The following EDIL3 variants were observed in gnomAD, a reference collection of about 807,000 sequenced individuals.
EDIL3 encodes EGF like and discoidin domains 3.
Under a neutral mutation model 67.4 loss-of-function variants are expected in EDIL3, and 37 were observed. The ratio of observed to expected loss-of-function variants is 0.55; its 90% CI spans 0.42 to 0.72. EDIL3 has a LOEUF of 0.72. Ranked by LOEUF, EDIL3 falls within the 30% of genes least tolerant of loss-of-function variation. The probability of loss-of-function intolerance (pLI) is 0.00; values close to 1 mark genes in which losing one functional copy is unlikely to be tolerated. For synonymous variants in EDIL3, 195 were observed against 196.3 expected (o/e 0.99, Z 0.05); for missense variants, 527 against 586.3 (o/e 0.90, Z 1.04).
chr5:84,058,869 G>T (rs1216231662), intron 9 of EDIL3, among the ~76,000 whole-genome samples: 1 of 152,070 alleles, frequency 6.6e-6, no homozygotes, highest in African/African-American at 2.4e-5. Context: ...AATTTAGTAA[G>T]CACTGCTACT....
intron 9 of EDIL3, among the ~76,000 whole-genome samples, chr5:84,012,197 G>A (rs1037464808): frequency 6.6e-6 from 1 of 152,342 alleles, no homozygotes; most frequent in African/African-American, 2.4e-5. Context: ...GTGATACAGA[G>A]TTAGACAGAG....
chr5:84,319,491 CAACAAAA>C (rs1746582732), intron 1 of EDIL3, among the ~76,000 whole-genome samples: 6 of 3,940 alleles, frequency 1.5e-3, no homozygotes, highest in Middle Eastern at 0.17. Flanking sequence ...AAACAAAAAA[CAACAAAA>C]AAAAAAAAAA....
intron 10 of EDIL3, among the ~76,000 whole-genome samples, chr5:83,956,209 G>T (rs1561384767): frequency 1.3e-5 from 2 of 151,610 alleles, no homozygotes; most frequent in African/African-American, 4.8e-5. Context: ...TTCCTTTCCT[G>T]CTCTTAAACC....
chr5:84,260,651 A>G, intron 1 of EDIL3, among the ~76,000 whole-genome samples: 1 of 152,282 alleles, frequency 6.6e-6, no homozygotes, highest in Middle Eastern at 3.4e-3. Context: ...AGTACTGTTA[A>G]TGTATTTATG....
At chr5:83,943,913 CG>C (rs1561381046) in intron 10 of EDIL3, among the ~76,000 whole-genome samples, 1 of 151,954 alleles carries the variant, frequency 6.6e-6, no homozygotes, top group African/African-American at 2.4e-5. Flanking sequence ...CTCTCTTCCA[CG>C]GGGTGACTCA....
chr5:84,231,045 T>C (rs896670511), intron 2 of EDIL3, among the ~76,000 whole-genome samples: 6 of 152,164 alleles, frequency 3.9e-5, no homozygotes, highest in African/African-American at 1.4e-4. Context: ...GGGCTCCACA[T>C]AGAACCAATT....
intron 1 of EDIL3, among the ~76,000 whole-genome samples, chr5:84,280,742 C>T (rs916588490): frequency 1.3e-5 from 2 of 151,752 alleles, no homozygotes; most frequent in Non-Finnish European, 1.5e-5. Flanking sequence ...GGCTTGAGCC[C>T]AGGAGTTCTG....
intron 1 of EDIL3, among the ~76,000 whole-genome samples, chr5:84,376,304 A>G (rs182100531): frequency 1.1e-3 from 165 of 152,314 alleles, no homozygotes; most frequent in South Asian, 3.5e-3. Context: ...CTTAATGCTG[A>G]CATGATGGTG....
intron 1 of EDIL3, among the ~76,000 whole-genome samples, chr5:84,306,758 T>C (rs569321518): frequency 1.3e-5 from 2 of 152,340 alleles, no homozygotes; most frequent in Admixed American, 6.5e-5. Flanking sequence ...TTTCCTAAGA[T>C]GATTTAATCA....
chr5:84,221,774 G>T (rs906771038), intron 3 of EDIL3, among the ~76,000 whole-genome samples: 6 of 151,684 alleles, frequency 4.0e-5, no homozygotes, highest in African/African-American at 1.5e-4. Flanking sequence ...GTATATTTAT[G>T]AACAAGAATA....
intron 1 of EDIL3, among the ~76,000 whole-genome samples, chr5:84,376,475 G>T (rs762717921): frequency 2.6e-5 from 4 of 152,114 alleles, no homozygotes; most frequent in South Asian, 2.1e-4. Context: ...TTAATTGAAG[G>T]TTCATAACAA....
intron 3 of EDIL3, among the ~76,000 whole-genome samples, chr5:84,218,556 T>C (rs529239513): frequency 2.0e-4 from 30 of 152,272 alleles, no homozygotes; most frequent in African/African-American, 6.3e-4. Flanking sequence ...GAACCAAAAA[T>C]CAGCTTAGGT....
chr5:84,356,889 C>CCT (rs1747495978), intron 1 of EDIL3, among the ~76,000 whole-genome samples: 1 of 32,084 alleles, frequency 3.1e-5, no homozygotes, highest in Non-Finnish European at 6.4e-5. Flanking sequence ...ATCTTTCTTT[C>CCT]TTTTTTTTTT....
chr5:84,137,365 C>A lies in EDIL3; in HGVS notation c.356-11G>T. 1.2e-6 allele frequency: 2 copies of A among 1,602,158 alleles called. No individual in the cohort carries two copies. Among genetic ancestry groups the A allele is most frequent in the South Asian group, 2.2e-5 (2 of 89,682 alleles). ...CGCATTCATTTATGTCTAAGAAAAA[C>A]AGAAAGGACAGAGGAAGAGAATTAT... is the stretch of plus-strand genomic sequence containing the variant. On this transcript the variant is annotated splice_polypyrimidine_tract_variant and intron_variant, in intron 4 of 10. Transcript: ENST00000296591.
chr5:83,991,687 T>C (rs569168904), intron 9 of EDIL3, among the ~76,000 whole-genome samples: 5 of 152,148 alleles, frequency 3.3e-5, no homozygotes, highest in Non-Finnish European at 7.4e-5. Context: ...ATTGTGGTTG[T>C]ATGTAATCAC....
At chr5:84,054,014 A>G (rs1746394975) in intron 9 of EDIL3, among the ~76,000 whole-genome samples, 1 of 152,178 alleles carries the variant, frequency 6.6e-6, no homozygotes, top group Admixed American at 6.5e-5. Context: ...AAAAAAGAGA[A>G]TTTTAGACCA....
intron 9 of EDIL3, among the ~76,000 whole-genome samples, chr5:83,992,454 C>G (rs1447935833): frequency 6.6e-6 from 1 of 152,150 alleles, no homozygotes; most frequent in African/African-American, 2.4e-5. Context: ...TGGCCTACTA[C>G]AATTACGTCA....
At chr5:84,057,780 T>G (rs1042326924) in intron 9 of EDIL3, among the ~76,000 whole-genome samples, 1 of 152,162 alleles carries the variant, frequency 6.6e-6, no homozygotes, top group Non-Finnish European at 1.5e-5. Context: ...ATTTTTTGAA[T>G]GAATCATTCA....
chr5:84,098,983 T>C (rs1163408820), intron 6 of EDIL3, among the ~76,000 whole-genome samples: 2 of 152,024 alleles, frequency 1.3e-5, no homozygotes, highest in Non-Finnish European at 2.9e-5. Flanking sequence ...TCACTCATGA[T>C]TTGGCTCTCT....
Sources: gnomAD v4.1 joint callset for allele counts (sites outside exome capture counted in the v4.1 genomes callset) on GRCh38, gnomAD v4.1.1 for gene constraint, MANE v1.5 for transcripts, NCBI Gene and HGNC (gene_info 2026-07-23, HGNC 2026-07-21) for gene names.